Variants in KCNQ1 observed in about 807,000 individuals in gnomAD.
The protein encoded by KCNQ1 is potassium voltage-gated channel subfamily KQT member 1.
KCNQ1 carries 49 observed loss-of-function variants against 72.4 expected under a neutral mutation model. That is an observed-to-expected ratio of 0.68 (90% CI 0.54 to 0.86). The LOEUF is 0.86. Ranked by LOEUF, KCNQ1 falls within the 40% of genes least tolerant of loss-of-function variation. The probability of loss-of-function intolerance (pLI) is 0.00; values close to 1 mark genes in which losing one functional copy is unlikely to be tolerated. For synonymous variants in KCNQ1, 450 were observed against 412.6 expected, an observed-to-expected ratio of 1.09 and a Z score of -1.10; for missense variants, 790 against 945.1, an observed-to-expected ratio of 0.84 and a Z score of 2.15.
At chr11:2,791,339 G>A (rs576852143) in intron 15 of KCNQ1, among the ~76,000 whole-genome samples, 1 of 152,194 alleles carries the variant, frequency 6.6e-6, no homozygotes, top group South Asian at 2.1e-4. Context: ...GCGTGAGGGC[G>A]GTGCGGAGCC....
Position 2,457,403 on chromosome 11 carries a change from C to T in KCNQ1, c.386+11919C>T, listed in dbSNP as rs932880592. 2.6e-5 allele frequency among the ~76,000 whole-genome samples: 4 copies of T among 152,092 alleles called. No individual in the cohort carries two copies. Among genetic ancestry groups the T allele is most frequent in the South Asian group, 2.1e-4 (1 of 4,820 alleles). On this transcript the variant is annotated intron_variant, in intron 1 of 15. Transcript: ENST00000155840. This position sits in a 1 kb window ranked among gnomAD's most constrained non-coding sequence, Gnocchi z 5.0. ...ACTCAGGTGCCTGTCAATGGTAGATCGAATAAAGCAAATGTGATATATATA... is the reference window on the plus strand; with the variant it reads ...ACTCAGGTGCCTGTCAATGGTAGATTGAATAAAGCAAATGTGATATATATA...
chr11:2,540,663 TCTC>T (rs1277356548), intron 2 of KCNQ1, among the ~76,000 whole-genome samples: 1 of 152,132 alleles, frequency 6.6e-6, no homozygotes, highest in Non-Finnish European at 1.5e-5. Flanking sequence ...GGGACAATAG[TCTC>T]CTCCCCAAAT....
chr11:2,538,569 C>T lies in KCNQ1; in HGVS notation c.477+10551C>T, dbSNP rs1847772919. 6.6e-6 allele frequency among the ~76,000 whole-genome samples: 1 copy of T among 152,148 alleles called. No homozygotes were observed. Among genetic ancestry groups the T allele is most frequent in the Non-Finnish European group, 1.5e-5 (1 of 68,034 alleles). ...CTGACATTCTTTCATGCGAAATCTGCTTGCGGGAGAGTCGTGAAAGTGGGA... is the reference window on the plus strand; with the variant it reads ...CTGACATTCTTTCATGCGAAATCTGTTTGCGGGAGAGTCGTGAAAGTGGGA... On this transcript the variant is annotated intron_variant, in intron 2 of 15. Coordinates refer to ENST00000155840, the MANE Select transcript of KCNQ1 (RefSeq NM_000218.3). The surrounding 1 kb of genome is among the most constrained non-coding windows in gnomAD (Gnocchi z 6.7).
chr11:2,540,927 A>G lies in KCNQ1; in HGVS notation c.477+12909A>G, dbSNP rs561357940. ...GGTAGTTGAAGTCGGGGGTTGAAAA[A>G]CACACTCGTGTCCAGCCCAGATGCC... On this transcript the variant is annotated intron_variant, in intron 2 of 15. Transcript: ENST00000155840. 5.3e-5 allele frequency among the ~76,000 whole-genome samples: 8 copies of G among 152,304 alleles called. 1 individual carries two copies. In the South Asian group the frequency reaches 1.4e-3, roughly 28 times the overall value.
At chr11:2,831,938 CT>C in intron 15 of KCNQ1, among the ~76,000 whole-genome samples, 1 of 152,240 alleles carries the variant, frequency 6.6e-6, no homozygotes, top group East Asian at 1.9e-4. Context: ...GGACATGCCC[CT>C]GGTAGGAAGC....
intron 2 of KCNQ1, among the ~76,000 whole-genome samples, chr11:2,540,045 G>A (rs1847798468): frequency 6.6e-6 from 1 of 152,142 alleles, no homozygotes; most frequent in African/African-American, 2.4e-5. Flanking sequence ...CTGCACGTGG[G>A]GCTCCTAGGG....
chr11:2,777,615 G>GGA (rs71302039), intron 14 of KCNQ1: 16 of 576,944 alleles, frequency 2.8e-5, no homozygotes, highest in Non-Finnish European at 4.6e-5. Flanking sequence ...GTGTAACGGA[G>GGA]CAGCGGAATG....
rs199473463 is a variant in KCNQ1, at chr11:2,572,913, C to T, written c.848C>T (p.Ala283Val). The T allele has an allele frequency of 2.5e-6, 4 of 1,613,854 alleles. No homozygotes were observed. In the East Asian group the frequency reaches 8.9e-5, roughly 36 times the overall value. Residue 283 changes from alanine (A) to valine (V), a missense_variant, in exon 6 of 16, where the codon GCT becomes GTT. Transcript: ENST00000155840. ...LIFSSYFVYL[A>V]EKDAVNESGR... ...TTCTCCTCGTACTTTGTGTACCTGG[C>T]TGAGAAGGACGCGGTGAACGAGTCA...
At chr11:2,693,653 T>C (rs898209918) in intron 11 of KCNQ1, 3 of 398,496 alleles carry the variant, frequency 7.5e-6, no homozygotes, top group Non-Finnish European at 1.3e-5. Context: ...GGAGAAAGGC[T>C]TTTAGTTCCG....
rs2134050938 is a variant in KCNQ1, at chr11:2,818,520, C to A, written c.1795-29247C>A. ...GGGAGCTGTCACAGGACTTTGCCAC[C>A]CGGGGTGAGGGGCCTAGAAACCCCT... On this transcript the variant is annotated intron_variant, in intron 15 of 15. Coordinates refer to ENST00000155840, the MANE Select transcript of KCNQ1 (RefSeq NM_000218.3). The surrounding 1 kb of genome is among the most constrained non-coding windows in gnomAD (Gnocchi z 7.2). 6.6e-6 allele frequency among the ~76,000 whole-genome samples: 1 copy of A among 152,258 alleles called. No individual in the cohort carries two copies. The highest frequency in any genetic ancestry group is 1.9e-4 in the East Asian group (1 of 5,170).
chr11:2,599,493 C>G lies in KCNQ1; in HGVS notation c.1393+10639C>G, dbSNP rs1848772139. The stretch of plus-strand genomic sequence containing the variant: ...TGTTCAAGAACATAGGTTCTTGAAC[C>G]TGTTTCTATGTACAGAACTTTTATT... On this transcript the variant is annotated intron_variant, in intron 10 of 15. Transcript: ENST00000155840. The surrounding 1 kb of genome is among the most constrained non-coding windows in gnomAD (Gnocchi z 4.7). Among the ~76,000 whole-genome samples, 1 of 152,102 alleles carries G rather than the reference C, an allele frequency of 6.6e-6. No homozygotes were observed. The highest frequency in any genetic ancestry group is 2.4e-5 in the African/African-American group (1 of 41,394).
rs1846682268 is a variant in KCNQ1, at chr11:2,483,234, C to T, written c.386+37750C>T. Among the ~76,000 whole-genome samples, 1 of 152,148 alleles carries T rather than the reference C, an allele frequency of 6.6e-6. No individual in the cohort carries two copies. Among genetic ancestry groups the T allele is most frequent in the African/African-American group, 2.4e-5 (1 of 41,422 alleles). ...CGGGAGGGCCACGAGGGTTAAGATC[C>T]TGAGAGCAATGCGGGGGGTGTGAGT... On this transcript the variant is annotated intron_variant, in intron 1 of 15. Coordinates refer to ENST00000155840, the MANE Select transcript of KCNQ1 (RefSeq NM_000218.3). This position sits in a 1 kb window ranked among gnomAD's most constrained non-coding sequence, Gnocchi z 6.1.
rs79497294 is a variant in KCNQ1 at position 2,543,693 on chromosome 11, C to T, written c.477+15675C>T. ...TTAGGAAATGCTTACCAAACACACT[C>T]TTACTAAGATTTTCTGCTAGTAGTT... On this transcript the variant is annotated intron_variant, in intron 2 of 15. Coordinates refer to ENST00000155840, the MANE Select transcript of KCNQ1 (RefSeq NM_000218.3). The surrounding 1 kb of genome is among the most constrained non-coding windows in gnomAD (Gnocchi z 5.6). 1.3e-5 allele frequency among the ~76,000 whole-genome samples: 2 copies of T among 152,176 alleles called. No individual in the cohort carries two copies. Among genetic ancestry groups the T allele is most frequent in the Non-Finnish European group, 2.9e-5 (2 of 68,032 alleles).
In KCNQ1 at chr11:2,611,596, A is replaced by ATGT; in HGVS notation, c.1393+22743_1393+22745dup. ...TTTTTCCATCATTTTACTTTCAACTATGTCTTTGAATCTAGAATGTGACTC... is the reference window on the plus strand; with the variant it reads ...TTTTTCCATCATTTTACTTTCAACTATGTTGTCTTTGAATCTAGAATGTGACTC... On this transcript the variant is annotated intron_variant, in intron 10 of 15. Transcript: ENST00000155840. The surrounding 1 kb of genome is among the most constrained non-coding windows in gnomAD (Gnocchi z 5.3). 2.5e-6 allele frequency: 1 copy of ATGT among 398,400 alleles called. No homozygotes were observed. Among genetic ancestry groups the ATGT allele is most frequent in the Non-Finnish European group, 4.4e-6 (1 of 226,006 alleles). 24.7% of individuals were successfully genotyped at this position (398,400 alleles called of 1,614,324 possible).
rs1211593345 is a variant in KCNQ1 at position 2,745,467 on chromosome 11, C to T, written c.1515-23377C>T. On this transcript the variant is annotated intron_variant, in intron 11 of 15. Coordinates refer to ENST00000155840, the MANE Select transcript of KCNQ1 (RefSeq NM_000218.3). The surrounding 1 kb of genome is among the most constrained non-coding windows in gnomAD (Gnocchi z 6.2). ...GCCATTGATTTGGGGGGGTTGATCTCACACCTGACAACCATGTCATACTTT... is the reference window on the plus strand; with the variant it reads ...GCCATTGATTTGGGGGGGTTGATCTTACACCTGACAACCATGTCATACTTT... 6.6e-6 allele frequency among the ~76,000 whole-genome samples: 1 copy of T among 152,182 alleles called. No individual in the cohort carries two copies. Among genetic ancestry groups the T allele is most frequent in the Non-Finnish European group, 1.5e-5 (1 of 68,034 alleles).
rs764061286 is a variant in KCNQ1, at chr11:2,848,589, C to T, written c.*586C>T. The T allele has an allele frequency of 1.1e-5, 5 of 453,912 alleles. No homozygotes were observed. Among genetic ancestry groups the T allele is most frequent in the South Asian group, 7.8e-5 (5 of 64,460 alleles). 28.1% of individuals were successfully genotyped at this position (453,912 alleles called of 1,614,324 possible). On this transcript the variant is annotated 3_prime_UTR_variant, in exon 16 of 16. Transcript: ENST00000155840. ...GAGACTGTGGAGACTGCTCCTGAGC[C>T]CCCAGCTTCCAGCAGGAGGGACAGT...
chr11:2,687,175 C>A lies in KCNQ1; in HGVS notation c.1514+25094C>A, dbSNP rs188369808. ...TTCCTCCACAAAGCACAGAAGTCTG[C>A]CAAAAGCCCAGGCTGGATAGGGAGC... On this transcript the variant is annotated intron_variant, in intron 11 of 15. Coordinates refer to ENST00000155840, the MANE Select transcript of KCNQ1 (RefSeq NM_000218.3). The surrounding 1 kb of genome is among the most constrained non-coding windows in gnomAD (Gnocchi z 5.0). 417 of 398,636 alleles carry A rather than the reference C, an allele frequency of 1.0e-3. No individual in the cohort carries two copies. Among genetic ancestry groups the A allele is most frequent in the African/African-American group, 7.3e-3 (354 of 48,750 alleles). The allele number at this position is 398,636 out of a possible 1,614,324, so 24.7% of individuals were successfully genotyped here. A position where few individuals can be genotyped will look rare whatever the true frequency, so the allele number is the denominator to read the frequency against.
Position 2,775,954 on chromosome 11 carries a change from C to T in KCNQ1, c.1591-6C>T, listed in dbSNP as rs1411675690. 6.4e-7 allele frequency: 1 copy of T among 1,554,040 alleles called. No individual in the cohort carries two copies. The highest frequency in any genetic ancestry group is 2.0e-5 in the Admixed American group (1 of 51,082). ...GAGAAGTGATGCGTGTCTTTTTGTC[C>T]CGCAGCAAGCGCGGAAGCCTTACGA... is the stretch of plus-strand genomic sequence containing the variant. On this transcript the variant is annotated splice_polypyrimidine_tract_variant and splice_region_variant and intron_variant, in intron 12 of 15. Coordinates refer to ENST00000155840, the MANE Select transcript of KCNQ1 (RefSeq NM_000218.3).
chr11:2,700,780 TC>T (rs1489750061), intron 11 of KCNQ1, among the ~76,000 whole-genome samples: 2 of 139,764 alleles, frequency 1.4e-5, no homozygotes, highest in Non-Finnish European at 3.1e-5. Context: ...CCACCTCCCA[TC>T]CCCCATCCGG....
Sources: allele counts gnomAD v4.1 joint callset (sites outside exome capture counted in the v4.1 genomes callset), GRCh38; gene constraint gnomAD v4.1.1; non-coding constraint Gnocchi (gnomAD v3.1); transcripts MANE v1.5; gene names NCBI Gene and HGNC (gene_info 2026-07-23, HGNC 2026-07-21).